SFXN2: variants seen among roughly 807,000 people sequenced by gnomAD.
The protein encoded by SFXN2 is sideroflexin-2.
A neutral mutation model predicts 41.9 loss-of-function variants in SFXN2; 37 were observed. The observed-to-expected ratio is 0.88, with a 90% CI of 0.68 to 1.16. The LOEUF is 1.16. SFXN2 is among the 50% of genes most tolerant of loss of function. SFXN2 has a pLI of 0.00. For missense variants in SFXN2, 386 were observed against 425.2 expected, an observed-to-expected ratio of 0.91 and a Z score of 0.81; for synonymous variants, 150 against 156.7, an observed-to-expected ratio of 0.96 and a Z score of 0.32.
chr10:102,732,038 C>T (rs1379724765), intron 7 of SFXN2, 114 bp from the exon 8 acceptor site: 5 of 1,048,586 alleles, frequency 4.8e-6, no homozygotes, highest in African/African-American at 4.8e-5. Context: ...CTGGAGGGTC[C>T]TTCCCTTCCC....
In SFXN2 at chr10:102,729,788, T is replaced by C. The variant is rs1564744439; in HGVS notation, c.573T>C (p.Asn191=). The C allele has an allele frequency of 6.2e-7, 1 of 1,614,062 alleles. No individual in the cohort carries two copies. Among genetic ancestry groups the C allele is most frequent in the East Asian group, 2.2e-5 (1 of 44,880 alleles). The change falls in exon 6 of 12, where the codon AAT becomes AAC. Residue 191 remains asparagine, a synonymous_variant. Transcript: ENST00000369893. Reference sequence around the variant, plus strand: ...CTGTGGCTGCGGCTAACTGTGTCAATATCCCCATGATGCGACAGCAGTGAG... The same window carrying C: ...CTGTGGCTGCGGCTAACTGTGTCAACATCCCCATGATGCGACAGCAGTGAG... ...FAAVAAANCV[N]IPMMRQQELI...
chr10:102,728,816 T>C (rs1436657465), intron 4 of SFXN2, among the ~76,000 whole-genome samples: 1 of 152,082 alleles, frequency 6.6e-6, no homozygotes, highest in East Asian at 1.9e-4. Flanking sequence ...TGTTAAGACA[T>C]GTGGTTGGGC....
chr10:102,737,533 G>A (rs1300681522), intron 11 of SFXN2, 130 bp from the exon 12 acceptor site: 6 of 627,882 alleles, frequency 9.6e-6, no homozygotes, highest in African/African-American at 1.8e-5. Context: ...AAGCAACATT[G>A]TGGTATACAG....
chr10:102,724,627 G>C (rs1056509794), intron 1 of SFXN2, among the ~76,000 whole-genome samples: 1 of 152,034 alleles, frequency 6.6e-6, no homozygotes, highest in Non-Finnish European at 1.5e-5. Flanking sequence ...ACTTGAACAC[G>C]GGAGGCAGAG....
chr10:102,737,827 C>A lies in SFXN2; in HGVS notation c.*65C>A. The stretch of plus-strand genomic sequence containing the variant: ...ACCAGCTCCTCCTTAGCTACGTGCA[C>A]ACTTGTGTCCTCCTTCCCCTTTGCC... On this transcript the variant is annotated 3_prime_UTR_variant, in exon 12 of 12. Coordinates refer to ENST00000369893, the MANE Select transcript of SFXN2 (RefSeq NM_178858.6). The A allele has an allele frequency of 8.7e-7, 1 of 1,143,586 alleles. No homozygotes were observed. Among genetic ancestry groups the A allele is most frequent in the Non-Finnish European group, 1.3e-6 (1 of 771,546 alleles). 70.8% of individuals were successfully genotyped at this position (1,143,586 alleles called of 1,614,324 possible). A position where few individuals can be genotyped will look rare whatever the true frequency, so the allele number is the denominator to read the frequency against.
In SFXN2 at chr10:102,738,006, T is replaced by G; in HGVS notation, c.*244T>G. The G allele has an allele frequency of 3.6e-6, 1 of 276,368 alleles. No homozygotes were observed. Among genetic ancestry groups the G allele is most frequent in the Non-Finnish European group, 6.8e-6 (1 of 147,558 alleles). The allele number at this position is 276,368 out of a possible 1,614,324, so 17.1% of individuals were successfully genotyped here. A position where few individuals can be genotyped will look rare whatever the true frequency, so the allele number is the denominator to read the frequency against. On this transcript the variant is annotated 3_prime_UTR_variant, in exon 12 of 12. Coordinates refer to ENST00000369893, the MANE Select transcript of SFXN2 (RefSeq NM_178858.6). The stretch of plus-strand genomic sequence containing the variant: ...AGCTGCTTCCTCAACCCCTGTCCCC[T>G]GGAGACCAGAAGCTGAGGCCCTCTC...
chr10:102,731,741 C>T lies in SFXN2; in HGVS notation c.612C>T (p.Ile204=). 1 of 1,613,960 alleles carries T rather than the reference C, an allele frequency of 6.2e-7. No homozygotes were observed. The change falls in exon 7 of 12, where the codon ATC becomes ATT. Residue 204 remains isoleucine (I), a synonymous_variant. Transcript: ENST00000369893. ...TGTTTAGGGAGCTCATAAAGGGAAT[C>T]TGCGTGAAGGACAGGAATGAAAATG... ...MMRQQELIKG[I]CVKDRNENEI... is the part of the protein sequence containing the mutation.
rs752576540 is a variant in SFXN2 at position 102,742,646 on chromosome 10, T to G, written c.*4884T>G. On this transcript the variant is annotated 3_prime_UTR_variant, in exon 12 of 12. Coordinates refer to ENST00000369893, the MANE Select transcript of SFXN2 (RefSeq NM_178858.6). Reference sequence around the variant, plus strand: ...AATTTGGCTAATTTAGTTTTTTTATTTTTGTAGAGACAGGGTTCTCTCCAT... The same window carrying G: ...AATTTGGCTAATTTAGTTTTTTTATGTTTGTAGAGACAGGGTTCTCTCCAT... 6.6e-6 allele frequency: 1 copy of G among 152,012 alleles called. No individual in the cohort carries two copies. The highest frequency in any genetic ancestry group is 1.5e-5 in the Non-Finnish European group (1 of 68,032). The allele number at this position is 152,012 out of a possible 1,614,324, so 9.4% of individuals were successfully genotyped here. A position where few individuals can be genotyped will look rare whatever the true frequency, so the allele number is the denominator to read the frequency against.
chr10:102,737,637 C>T (rs1168868329), intron 11 of SFXN2, 26 bp from the exon 12 acceptor site: 2 of 1,512,186 alleles, frequency 1.3e-6, no homozygotes, highest in Non-Finnish European at 1.8e-6. Context: ...TGGTGGCATG[C>T]TCATAATCCA....
At chr10:102,721,157 G>A (rs116344644) in intron 1 of SFXN2, among the ~76,000 whole-genome samples, 12 of 152,268 alleles carry the variant, frequency 7.9e-5, no homozygotes, top group African/African-American at 2.9e-4. Flanking sequence ...AGTTATGTGA[G>A]CCAATTCGCT....
At chr10:102,722,566 A>G (rs530107591) in intron 1 of SFXN2, among the ~76,000 whole-genome samples, 43 of 152,220 alleles carry the variant, frequency 2.8e-4, no homozygotes, top group African/African-American at 1.0e-3. Flanking sequence ...ACAGGGTCTC[A>G]CTCTGTCGTG....
At chr10:102,733,311 C>T (rs1285848592) in intron 9 of SFXN2, among the ~76,000 whole-genome samples, 1 of 8,214 alleles carries the variant, frequency 1.2e-4, no homozygotes, top group African/African-American at 2.6e-4. Context: ...CCACGCCCAG[C>T]TATTTTTTTT....
At chr10:102,715,879 T>G (rs1388350129) in intron 1 of SFXN2, among the ~76,000 whole-genome samples, 2 of 145,724 alleles carry the variant, frequency 1.4e-5, no homozygotes, top group East Asian at 4.0e-4. Context: ...GCCCAGGAGC[T>G]ATTATCACAT....
intron 1 of SFXN2, among the ~76,000 whole-genome samples, chr10:102,723,632 G>T (rs902159763): frequency 1.3e-5 from 2 of 152,136 alleles, no homozygotes; most frequent in Non-Finnish European, 2.9e-5. Flanking sequence ...AGGTGGAAAT[G>T]GGTAACGACT....
chr10:102,737,663 T>C lies in SFXN2; in HGVS notation c.870T>C (p.Cys290=), dbSNP rs968164169. Residue 290 remains cysteine (C), a splice_region_variant and synonymous_variant, in exon 12 of 12, where the codon TGT becomes TGC. Transcript: ENST00000369893. Reference sequence around the variant, plus strand: ...TCATAATCCACTTCTCTCTTTTCAGTGAATTGCCAGTTTCCTATCTGGAAC... The same window carrying C: ...TCATAATCCACTTCTCTCTTTTCAGCGAATTGCCAGTTTCCTATCTGGAAC... ...PVACGLFPQK[C]ELPVSYLEPK... The C allele has an allele frequency of 2.5e-6, 4 of 1,609,512 alleles. No homozygotes were observed. The highest frequency in any genetic ancestry group is 3.4e-6 in the Non-Finnish European group (4 of 1,176,070).
At chr10:102,728,937 T>C (rs1388544171) in intron 4 of SFXN2, among the ~76,000 whole-genome samples, 1 of 149,792 alleles carries the variant, frequency 6.7e-6, no homozygotes, top group Non-Finnish European at 1.5e-5. Context: ...AAAACCAGGG[T>C]TGCAAGGCAG....
intron 1 of SFXN2, among the ~76,000 whole-genome samples, chr10:102,717,375 G>A (rs534618162): frequency 1.4e-4 from 22 of 152,186 alleles, no homozygotes; most frequent in African/African-American, 3.9e-4. Context: ...TGATCCGTCC[G>A]CCTCGGCCTC....
chr10:102,724,071 G>T (rs1386157032), intron 1 of SFXN2, among the ~76,000 whole-genome samples: 4 of 148,618 alleles, frequency 2.7e-5, no homozygotes, highest in African/African-American at 1.0e-4. Flanking sequence ...TTTTAAGTGA[G>T]ATATTTGGTT....
Position 102,737,689 on chromosome 10 carries a change from C to G in SFXN2, c.896C>G (p.Pro299Arg). ...KCELPVSYLE[P>R]KLQDTIKAKY... ...GAATTGCCAGTTTCCTATCTGGAACCGAAGCTCCAAGACACTATCAAGGCC... is the reference window on the plus strand; with the variant it reads ...GAATTGCCAGTTTCCTATCTGGAACGGAAGCTCCAAGACACTATCAAGGCC... Residue 299 changes from proline to arginine, a missense_variant, in exon 12 of 12, where the codon CCG (proline) becomes CGG (arginine). Pro to Arg is a moderately radical substitution (Grantham distance 103, BLOSUM62 -2). Coordinates refer to ENST00000369893, the MANE Select transcript of SFXN2 (RefSeq NM_178858.6). 1 of 1,612,188 alleles carries G rather than the reference C, an allele frequency of 6.2e-7. No homozygotes were observed. Among genetic ancestry groups the G allele is most frequent in the South Asian group, 1.1e-5 (1 of 90,952 alleles).
Sources: allele counts gnomAD v4.1 joint callset (sites outside exome capture counted in the v4.1 genomes callset), GRCh38; gene constraint gnomAD v4.1.1; transcripts MANE v1.5; gene names NCBI Gene and HGNC (gene_info 2026-07-23, HGNC 2026-07-21).